XYLB: variants seen among roughly 807,000 people sequenced by gnomAD.
XYLB encodes the protein xylulokinase.
A neutral mutation model predicts 78.7 loss-of-function variants in XYLB; 62 were observed. That is an observed-to-expected ratio of 0.79 (90% CI 0.64 to 0.97). The LOEUF (loss-of-function observed/expected upper bound fraction) is 0.97, where lower values mean the gene tolerates loss of function less well. Ranked by LOEUF, XYLB falls within the 50% of genes least tolerant of loss-of-function variation. XYLB has a pLI of 0.00. For missense variants in XYLB, 687 were observed against 676.8 expected (o/e 1.02, Z -0.17); for synonymous variants, 245 against 247.4 (o/e 0.99, Z 0.09).
At position 38,376,188 on chromosome 3, in the gene XYLB, C is replaced by G; in HGVS notation, c.1076C>G (p.Ser359Cys). The G allele has an allele frequency of 6.2e-7, 1 of 1,614,136 alleles. No individual in the cohort carries two copies. The highest frequency in any genetic ancestry group is 8.5e-7 in the Non-Finnish European group (1 of 1,179,994). The change falls in exon 13 of 19, where the codon TCT becomes TGT. Residue 359 changes from serine (S) to cysteine (C), a missense_variant. Transcript: ENST00000207870. ...ESVSRSWSDF[S>C]KALQSTEMGN... ...GTATCCCGTTCCTGGAGCGATTTCT[C>G]TAAGGCACTGCAGTCCACAGAGATG...
At chr3:38,442,285 C>T in the XYLB span, among the ~76,000 whole-genome samples, 9 of 152,102 alleles carry the variant, frequency 5.9e-5, no homozygotes, top group African/African-American at 2.2e-4. Flanking sequence ...TTTAAGAGAC[C>T]TAGAGTAGCC....
chr3:38,432,338 G>C, the XYLB span, among the ~76,000 whole-genome samples: 1 of 152,178 alleles, frequency 6.6e-6, no homozygotes, highest in African/African-American at 2.4e-5. Context: ...GGAGGCCAAG[G>C]TGTGTGGATC....
the XYLB span, among the ~76,000 whole-genome samples, chr3:38,443,274 C>T: frequency 5.9e-5 from 9 of 152,246 alleles, no homozygotes; most frequent in East Asian, 9.6e-4. Flanking sequence ...TGACATAAGC[C>T]GGTGCTTGTT....
the XYLB span, among the ~76,000 whole-genome samples, chr3:38,441,094 T>C: frequency 6.6e-6 from 1 of 152,238 alleles, no homozygotes; most frequent in Non-Finnish European, 1.5e-5. Flanking sequence ...CTCATGGCTT[T>C]GGCAGTGTAA....
At chr3:38,435,594 C>G in the XYLB span, among the ~76,000 whole-genome samples, 13 of 152,234 alleles carry the variant, frequency 8.5e-5, no homozygotes, top group South Asian at 2.5e-3. Context: ...ACCAAATGAA[C>G]CTTACAGTGA....
chr3:38,365,364 T>G, intron 5 of XYLB, 79 bp downstream of exon 5: 1 of 1,504,166 alleles, frequency 6.6e-7, no homozygotes, highest in South Asian at 1.1e-5. Context: ...CCTGCTCATC[T>G]CAGTGTTGCA....
Position 38,397,173 on chromosome 3 carries a change from G to A in XYLB, c.1438+14G>A. On this transcript the variant is annotated intron_variant, in intron 17 of 18. Coordinates refer to ENST00000207870, the MANE Select transcript of XYLB (RefSeq NM_005108.4). The stretch of plus-strand genomic sequence containing the variant: ...GAGCTTTTCATGGTAGGTTGATGGA[G>A]GGAGACAGCTATCTCTGGAAGTGGC... The A allele has an allele frequency of 6.2e-7, 1 of 1,613,434 alleles. No individual in the cohort carries two copies. Among genetic ancestry groups the A allele is most frequent in the Non-Finnish European group, 8.5e-7 (1 of 1,179,406 alleles).
the XYLB span, among the ~76,000 whole-genome samples, chr3:38,434,239 A>C: frequency 6.6e-6 from 1 of 152,228 alleles, no homozygotes; most frequent in Non-Finnish European, 1.5e-5. Context: ...GGACACAGCC[A>C]AACCATATCA....
the XYLB span, among the ~76,000 whole-genome samples, chr3:38,436,644 A>G: frequency 6.6e-6 from 1 of 152,208 alleles, no homozygotes; most frequent in Non-Finnish European, 1.5e-5. Context: ...AGTATATCTG[A>G]TGAACATTAA....
At chr3:38,437,032 T>TAATAATAAC in the XYLB span, among the ~76,000 whole-genome samples, 8 of 145,874 alleles carry the variant, frequency 5.5e-5, no homozygotes, top group Admixed American at 2.1e-4. Flanking sequence ...ATAATAATAA[T>TAATAATAAC]AATAATAATA....
chr3:38,372,785 T>C (rs1706641858), intron 10 of XYLB, 49 bp downstream of exon 10: 1 of 1,592,494 alleles, frequency 6.3e-7, no homozygotes, highest in Non-Finnish European at 8.6e-7. Context: ...ACTGGGTCCA[T>C]GCTGGATGTT....
rs1465889405 is a variant in XYLB, at chr3:38,382,546, AT to A, written c.1291+3206del. 4.6e-5 allele frequency among the ~76,000 whole-genome samples: 7 copies of A among 152,334 alleles called. No homozygotes were observed. In the East Asian group the frequency reaches 1.2e-3, roughly 25 times the overall value. Reference sequence around the variant, plus strand: ...CATGTGTAAAATGACCACCATGAGCATTCTGATTGCCCTCATCCCACCACCC... The same window carrying A: ...CATGTGTAAAATGACCACCATGAGCATCTGATTGCCCTCATCCCACCACCC... On this transcript the variant is annotated intron_variant, in intron 15 of 18. Coordinates refer to ENST00000207870, the MANE Select transcript of XYLB (RefSeq NM_005108.4).
At chr3:38,376,271 G>A in intron 13 of XYLB, 39 bp downstream of exon 13, 1 of 1,462,886 alleles carries the variant, frequency 6.8e-7, no homozygotes, top group Non-Finnish European at 9.6e-7. Flanking sequence ...TGAAGGGTCA[G>A]CAGCTGCCGA....
the XYLB span, among the ~76,000 whole-genome samples, chr3:38,436,647 A>G: frequency 2.4e-4 from 37 of 152,304 alleles, no homozygotes; most frequent in Non-Finnish European, 3.5e-4. Flanking sequence ...ATATCTGATG[A>G]ACATTAATAC....
At chr3:38,430,153 C>A in the XYLB span, among the ~76,000 whole-genome samples, 4 of 152,214 alleles carry the variant, frequency 2.6e-5, no homozygotes, top group Admixed American at 6.5e-5. Context: ...AATGGCTGAA[C>A]TAATTTACAC....
At chr3:38,428,481 T>C in the XYLB span, among the ~76,000 whole-genome samples, 1 of 152,216 alleles carries the variant, frequency 6.6e-6, no homozygotes, top group African/African-American at 2.4e-5. Context: ...CCATTTTTCT[T>C]CATATACTTT....
At chr3:38,432,956 G>T in the XYLB span, among the ~76,000 whole-genome samples, 2 of 152,216 alleles carry the variant, frequency 1.3e-5, no homozygotes, top group Non-Finnish European at 2.9e-5. Flanking sequence ...AGTAGACAGT[G>T]CCCCAGTGGG....
At chr3:38,374,238 AGCTCAAATCAGCG>A (rs573082808) in intron 10 of XYLB, among the ~76,000 whole-genome samples, 276 of 152,190 alleles carry the variant, frequency 1.8e-3, no homozygotes, top group African/African-American at 6.6e-3. Flanking sequence ...GAGACTTCAC[AGCTCAAATCAGCG>A]GCCCTGCTAA....
downstream of XYLB, among the ~76,000 whole-genome samples, chr3:38,425,131 C>T (rs368359239): frequency 5.6e-4 from 85 of 152,330 alleles, no homozygotes; most frequent in African/African-American, 2.0e-3. Flanking sequence ...CATGTTCCCT[C>T]GTTTGGGAGA....
Sources: allele counts gnomAD v4.1 joint callset (sites outside exome capture counted in the v4.1 genomes callset), GRCh38; gene constraint gnomAD v4.1.1; transcripts MANE v1.5; gene names NCBI Gene and HGNC (gene_info 2026-07-23, HGNC 2026-07-21).